The following CAND2 variants were observed in gnomAD, a reference collection of about 807,000 sequenced individuals.
CAND2 encodes cullin associated and neddylation dissociated 2 (putative).
CAND2 carries 62 observed loss-of-function variants against 98.9 expected under a neutral mutation model. That is an observed-to-expected ratio of 0.63 (90% CI 0.51 to 0.77). The LOEUF (loss-of-function observed/expected upper bound fraction) is 0.77. Ranked by LOEUF, CAND2 falls within the 30% of genes least tolerant of loss-of-function variation. The pLI, the probability that CAND2 is intolerant of heterozygous loss-of-function variation, is 0.00. For missense variants in CAND2, 1,501 were observed against 1,655.2 expected (o/e 0.91, Z 1.62); for synonymous variants, 770 against 731.9 (o/e 1.05, Z -0.84).
At chr3:12,830,959 G>A (rs528171409) in intron 13 of CAND2, among the ~76,000 whole-genome samples, 1 of 152,334 alleles carries the variant, frequency 6.6e-6, no homozygotes, top group South Asian at 2.1e-4. Context: ...CAAAAGACAG[G>A]ACAATTATTC....
chr3:12,824,178 T>C (rs2061981369), intron 11 of CAND2, among the ~76,000 whole-genome samples: 1 of 152,182 alleles, frequency 6.6e-6, no homozygotes, highest in Non-Finnish European at 1.5e-5. Context: ...ATGGCACATG[T>C]ATACCTATGT....
Position 12,817,119 on chromosome 3 carries a change from G to T in CAND2, c.2187G>T (p.Leu729Phe). ...ATVTQAQPAS[L>F]VEVSGPVLSE... The stretch of plus-strand genomic sequence containing the variant: ...TGACCCAGGCCCAGCCAGCCTCTTT[G>T]GTGGAGGTCAGTGGCCCTGTGCTCT... Residue 729 changes from leucine to phenylalanine, a missense_variant, in exon 10 of 15, where the codon TTG (leucine) becomes TTT (phenylalanine). This residue lies in a region of CAND2 where 1,427 missense variants were observed against 1,545.3 expected (regional missense o/e 0.92). Transcript: ENST00000456430. 6.2e-7 allele frequency: 1 copy of T among 1,613,080 alleles called. No individual in the cohort carries two copies.
At chr3:12,820,022 C>T (rs558515108) in intron 10 of CAND2, 64 bp from the exon 11 acceptor site, 2 of 1,326,712 alleles carry the variant, frequency 1.5e-6, no homozygotes, top group East Asian at 2.3e-5. Flanking sequence ...TAAGCACCTT[C>T]TGATCTGTGA....
chr3:12,824,520 G>A (rs75625389), intron 11 of CAND2, among the ~76,000 whole-genome samples: 3,125 of 152,278 alleles, frequency 0.021, 43 homozygotes, highest in Middle Eastern at 0.044. Flanking sequence ...TAATCCATGC[G>A]TCAGGGCTTC....
At chr3:12,829,098 CTG>C (rs2062029228) in intron 13 of CAND2, among the ~76,000 whole-genome samples, 1 of 152,194 alleles carries the variant, frequency 6.6e-6, no homozygotes, top group South Asian at 2.1e-4. Context: ...TACGGCAATT[CTG>C]TGTTTAATGT....
intron 11 of CAND2, among the ~76,000 whole-genome samples, chr3:12,820,896 T>A (rs952343793): frequency 6.6e-6 from 1 of 152,122 alleles, no homozygotes; most frequent in African/African-American, 2.4e-5. Flanking sequence ...TGCTATTCCC[T>A]GGGTGTGTGA....
intron 11 of CAND2, among the ~76,000 whole-genome samples, chr3:12,823,865 C>G (rs2061979218): frequency 6.6e-6 from 1 of 152,222 alleles, no homozygotes; most frequent in Non-Finnish European, 1.5e-5. Context: ...CCACTGTACT[C>G]CGTCCTGGGC....
rs2062017302 is a variant in CAND2, at chr3:12,827,922, GCAGTGAAACATGAT to G, written c.3375+321_3375+334del. Among the ~76,000 whole-genome samples, 4 of 151,726 alleles carry G rather than the reference GCAGTGAAACATGAT, an allele frequency of 2.6e-5. No homozygotes were observed. In the South Asian group the frequency reaches 8.3e-4, roughly 32 times the overall value. On this transcript the variant is annotated intron_variant, in intron 13 of 14. Coordinates refer to ENST00000456430, the MANE Select transcript of CAND2 (RefSeq NM_001162499.2). ...GGCTTGAGCCCAGGAGGTTGAGGCT[GCAGTGAAACATGAT>G]CACACCACTGCACTCCAACCTGGAC...
intron 11 of CAND2, 129 bp from the exon 12 acceptor site, chr3:12,825,341 C>T (rs995358388): frequency 6.1e-5 from 52 of 848,880 alleles, no homozygotes; most frequent in Non-Finnish European, 9.0e-5. Context: ...AGTAGATGCT[C>T]ACCACACCCA....
rs76092315 is a variant in CAND2 at position 12,834,659 on chromosome 3, C to G, written c.*677C>G. The G allele has an allele frequency of 0.018, 2,726 of 152,594 alleles. 73 individuals are homozygous for G. Among genetic ancestry groups the G allele is most frequent in the African/African-American group, 0.062 (2,559 of 41,532 alleles). The allele number at this position is 152,594 out of a possible 1,614,324, so 9.5% of individuals were successfully genotyped here. On this transcript the variant is annotated 3_prime_UTR_variant, in exon 15 of 15. Coordinates refer to ENST00000456430, the MANE Select transcript of CAND2 (RefSeq NM_001162499.2). ...ACAATGGGCATCTTCCATGCCACCA[C>G]CCAGGCATAACCAGTTGGTTTGTTT...
chr3:12,805,825 A>G (rs1220743727), intron 2 of CAND2, among the ~76,000 whole-genome samples: 1 of 152,216 alleles, frequency 6.6e-6, no homozygotes. Context: ...CTTGCGGGGC[A>G]TGGACAGTGC....
intron 14 of CAND2, 61 bp downstream of exon 14, chr3:12,831,633 C>A: frequency 1.2e-6 from 1 of 869,542 alleles, no homozygotes; most frequent in Non-Finnish European, 1.7e-6. Context: ...CTCGGCCAGT[C>A]GTTCAGTTAC....
At chr3:12,796,854 C>T (rs1006276550) in intron 1 of CAND2, 66 bp downstream of exon 1, 1 of 1,330,310 alleles carries the variant, frequency 7.5e-7, no homozygotes, top group Non-Finnish European at 1.1e-6. Flanking sequence ...CTTCCCCTCT[C>T]GAAGCGCCAG....
chr3:12,812,221 C>CTTTTTTTTTTTTTTTTTTTTTTTTTT lies in CAND2; in HGVS notation c.758-750_758-749insTTTTTTTTTTTTTTTTTTTTTTTTTT, dbSNP rs531439250. ...ACCATGCCCGGCCTAAGCTGTTTAT[C>CTTTTTTTTTTTTTTTTTTTTTTTTTT]TTTTTTTTTTTTTTTTTTTGGAGAT... On this transcript the variant is annotated intron_variant, in intron 5 of 14. Coordinates refer to ENST00000456430, the MANE Select transcript of CAND2 (RefSeq NM_001162499.2). Among the ~76,000 whole-genome samples, 5 of 74,514 alleles carry CTTTTTTTTTTTTTTTTTTTTTTTTTT rather than the reference C, an allele frequency of 6.7e-5. 1 individual carries two copies. The highest frequency in any genetic ancestry group is 1.0e-4 in the Non-Finnish European group (4 of 39,640). The allele number at this position is 74,514 out of a possible 152,430, so 48.9% of individuals were successfully genotyped here.
At chr3:12,808,122 AC>A in intron 3 of CAND2, 87 bp from the exon 4 acceptor site, 1 of 1,484,068 alleles carries the variant, frequency 6.7e-7, no homozygotes, top group Non-Finnish European at 9.1e-7. Context: ...GGGCTCAGGA[AC>A]ACAGCCAGAG....
In CAND2 at chr3:12,817,804, G is replaced by T; in HGVS notation, c.2872G>T (p.Glu958Ter). 1 of 1,526,890 alleles carries T rather than the reference G, an allele frequency of 6.5e-7. No homozygotes were observed. The allele number at this position is 1,526,890 out of a possible 1,614,324, so 94.6% of individuals were successfully genotyped here. A position where few individuals can be genotyped will look rare whatever the true frequency, so the allele number is the denominator to read the frequency against. Residue 958 changes from glutamate to a stop codon, truncating the protein, a stop_gained, in exon 10 of 15, where the codon GAG (glutamate) becomes TAG (stop). Transcript: ENST00000456430. LOFTEE classifies it high-confidence loss of function. ...GGAGGGCACCCGGGGGGTGGTGGCC[G>T]AGTGCATTGGGAAGCTGGTCCTTGT... ...AEEGTRGVVA[E>*]CIGKLVLVNP... is the part of the protein sequence containing the mutation.
rs35620069 is a variant in CAND2, at chr3:12,812,390, ATTTTTTT to A, written c.758-581_758-575del. ...AGGTGTGTGCCACCGTGCCCGGCTA[ATTTTTTT>A]TTTTTTTTTTTTTTTTTTGAGACGG... is the stretch of plus-strand genomic sequence containing the variant. On this transcript the variant is annotated intron_variant, in intron 5 of 14. Transcript: ENST00000456430. 7.5e-4 allele frequency among the ~76,000 whole-genome samples: 50 copies of A among 66,754 alleles called. No individual in the cohort carries two copies. The East Asian group carries it at 8.2e-3, about 11-fold the overall frequency. The allele number at this position is 66,754 out of a possible 152,430, so 43.8% of individuals were successfully genotyped here. A position where few individuals can be genotyped will look rare whatever the true frequency, so the allele number is the denominator to read the frequency against.
rs768520399 is a variant in CAND2 at position 12,833,806 on chromosome 3, C to T, written c.3535C>T (p.Arg1179Cys). ...QEFEKQDELK[R>C]SAMRAVAALL... ...GTTTGAAAAGCAAGATGAACTGAAG[C>T]GCTCTGCAATGAGGGCAGTGGCTGC... Residue 1179 changes from arginine to cysteine, a missense_variant, in exon 15 of 15, where the codon CGC becomes TGC. This residue lies in a region of CAND2 where 1,427 missense variants were observed against 1,545.3 expected (regional missense o/e 0.92). Coordinates refer to ENST00000456430, the MANE Select transcript of CAND2 (RefSeq NM_001162499.2). The T allele has an allele frequency of 5.1e-5, 82 of 1,614,048 alleles. No homozygotes were observed. Among genetic ancestry groups the T allele is most frequent in the Non-Finnish European group, 6.2e-5 (73 of 1,180,046 alleles).
chr3:12,832,778 G>A (rs1268536928), intron 14 of CAND2: 2 of 152,168 alleles, frequency 1.3e-5, no homozygotes, highest in African/African-American at 4.8e-5. Context: ...TGGATACTGA[G>A]GGACACCTGT....
Sources: gnomAD v4.1 joint callset for allele counts (sites outside exome capture counted in the v4.1 genomes callset) on GRCh38, gnomAD v4.1.1 for gene constraint, gnomAD v4.1.1 regional missense constraint, MANE v1.5 for transcripts, NCBI Gene and HGNC (gene_info 2026-07-23, HGNC 2026-07-21) for gene names.